Variants in MIOS observed in about 807,000 individuals in gnomAD.
MIOS encodes GATOR2 complex protein MIOS.
MIOS carries 52 observed loss-of-function variants against 96.9 expected under a neutral mutation model. The observed-to-expected ratio is 0.54, with a 90% CI of 0.43 to 0.68. The LOEUF is 0.68. Ranked by LOEUF, MIOS falls within the 30% of genes least tolerant of loss-of-function variation. MIOS has a pLI of 0.00. For missense variants in MIOS, 1,005 were observed against 1,052.8 expected (o/e 0.95, Z 0.63); for synonymous variants, 397 against 359.5 (o/e 1.10, Z -1.18).
At position 7,589,512 on chromosome 7, in the gene MIOS, T is replaced by C; in HGVS notation, c.1992T>C (p.Ser664=). Residue 664 remains serine (S), a synonymous_variant, in exon 9 of 13, where the codon AGT becomes AGC. Coordinates refer to ENST00000340080, the MANE Select transcript of MIOS (RefSeq NM_019005.4). ...AAGATGGAGTGGACTTAATGGAGAG[T>C]TATGTTGATAGAACTGGAGATGTTC... is the stretch of plus-strand genomic sequence containing the variant. ...LTKDGVDLME[S]YVDRTGDVQT... 6.2e-7 allele frequency: 1 copy of C among 1,613,220 alleles called. No homozygotes were observed. The highest frequency in any genetic ancestry group is 8.5e-7 in the Non-Finnish European group (1 of 1,179,482).
chr7:7,601,593 CAAA>C (rs796103166), intron 11 of MIOS, among the ~76,000 whole-genome samples: 16 of 151,960 alleles, frequency 1.1e-4, no homozygotes, highest in Non-Finnish European at 2.2e-4. Flanking sequence ...GCTTACCAAC[CAAA>C]AAAAGTCCAG....
intron 5 of MIOS, 150 bp from the exon 6 acceptor site, chr7:7,582,968 A>G: frequency 2.3e-6 from 2 of 884,262 alleles, no homozygotes; most frequent in Non-Finnish European, 3.3e-6. Context: ...AATATGTTGT[A>G]TTTGTGGCAT....
intron 9 of MIOS, 97 bp from the exon 10 acceptor site, chr7:7,594,883 A>G (rs1029981155): frequency 1.2e-5 from 8 of 664,252 alleles, no homozygotes; most frequent in Non-Finnish European, 1.7e-5. Flanking sequence ...AAAAAGGCCT[A>G]TTTCTTCTGT....
intron 7 of MIOS, among the ~76,000 whole-genome samples, chr7:7,587,746 A>G (rs1783934672): frequency 6.6e-6 from 1 of 152,210 alleles, no homozygotes; most frequent in Non-Finnish European, 1.5e-5. Flanking sequence ...AGATATAGGT[A>G]TCAACTGAAG....
In MIOS at chr7:7,574,084, A is replaced by G; in HGVS notation, c.1295-14A>G. 1 of 1,534,364 alleles carries G rather than the reference A, an allele frequency of 6.5e-7. No individual in the cohort carries two copies. The highest frequency in any genetic ancestry group is 8.9e-7 in the Non-Finnish European group (1 of 1,119,850). Reference sequence around the variant, plus strand: ...TTGTCATGCATCACTAGTATTTCCTATGCATTTAAATACTTATGAAGCAAT... The same window carrying G: ...TTGTCATGCATCACTAGTATTTCCTGTGCATTTAAATACTTATGAAGCAAT... On this transcript the variant is annotated splice_polypyrimidine_tract_variant and intron_variant, in intron 4 of 12. Transcript: ENST00000340080.
At chr7:7,600,098 A>G (rs2115486213) in intron 11 of MIOS, among the ~76,000 whole-genome samples, 1 of 152,234 alleles carries the variant, frequency 6.6e-6, no homozygotes, top group South Asian at 2.1e-4. Flanking sequence ...AATAATCCGT[A>G]CACCAAAACC....
chr7:7,573,494 T>G lies in MIOS; in HGVS notation c.1019T>G (p.Val340Gly). 6.2e-7 allele frequency: 1 copy of G among 1,614,134 alleles called. No homozygotes were observed. Among genetic ancestry groups the G allele is most frequent in the Non-Finnish European group, 8.5e-7 (1 of 1,179,972 alleles). Residue 340 changes from valine to glycine, a missense_variant, in exon 4 of 13, where the codon GTT becomes GGT. Physicochemically the swap from Val to Gly is moderately radical, Grantham distance 109. Transcript: ENST00000340080. This position sits in a 1 kb window ranked among gnomAD's most constrained non-coding sequence, Gnocchi z 5.0. Reference protein sequence around the residue: ...WHPTSQNRMIVVTPNRTMSDF... With the variant: ...WHPTSQNRMIGVTPNRTMSDF... Reference sequence around the variant, plus strand: ...CCAACAAGTCAAAATCGAATGATAGTTGTAACTCCCAACCGAACAATGTCA... The same window carrying G: ...CCAACAAGTCAAAATCGAATGATAGGTGTAACTCCCAACCGAACAATGTCA...
intron 9 of MIOS, among the ~76,000 whole-genome samples, chr7:7,592,074 A>G (rs1784065801): frequency 6.6e-6 from 1 of 151,866 alleles, no homozygotes; most frequent in Non-Finnish European, 1.5e-5. Flanking sequence ...TCCACCTCCC[A>G]GGTTCAAGCA....
intron 3 of MIOS, among the ~76,000 whole-genome samples, chr7:7,568,635 A>C (rs11980579): frequency 0.1 from 15,290 of 152,266 alleles, 841 homozygotes; most frequent in Middle Eastern, 0.23. Flanking sequence ...CTGTCTGGAC[A>C]TTGTAAATAA....
At chr7:7,577,458 C>T (rs1668763260) in intron 5 of MIOS, among the ~76,000 whole-genome samples, 1 of 152,086 alleles carries the variant, frequency 6.6e-6, no homozygotes, top group African/African-American at 2.4e-5. Context: ...AAAAGATACG[C>T]AGTAGGAGGA....
chr7:7,568,826 A>G (rs568093968), intron 3 of MIOS, among the ~76,000 whole-genome samples: 3 of 152,308 alleles, frequency 2.0e-5, no homozygotes, highest in African/African-American at 7.2e-5. Context: ...TTTTCTCTCA[A>G]GTTTTGATTC....
At chr7:7,605,820 A>G in intron 11 of MIOS, 122 bp from the exon 12 acceptor site, 1 of 991,146 alleles carries the variant, frequency 1.0e-6, no homozygotes, top group Non-Finnish European at 1.4e-6. Context: ...TACCATCAAA[A>G]TTGCTATTTC....
Position 7,572,076 on chromosome 7 carries a change from T to A in MIOS, c.-40-360T>A, listed in dbSNP as rs1295355657. ...TTGCTTAGGAATATGATTCATAAGT[T>A]TTCCCCCCTTCAAAGGGATAATACT... On this transcript the variant is annotated intron_variant, in intron 3 of 12. Coordinates refer to ENST00000340080, the MANE Select transcript of MIOS (RefSeq NM_019005.4). The surrounding 1 kb of genome is among the most constrained non-coding windows in gnomAD (Gnocchi z 4.8). Among the ~76,000 whole-genome samples, 1 of 152,222 alleles carries A rather than the reference T, an allele frequency of 6.6e-6. No homozygotes were observed. Among genetic ancestry groups the A allele is most frequent in the East Asian group, 1.9e-4 (1 of 5,190 alleles).
At chr7:7,580,571 T>G (rs1280561249) in intron 5 of MIOS, among the ~76,000 whole-genome samples, 1 of 152,178 alleles carries the variant, frequency 6.6e-6, no homozygotes, top group South Asian at 2.1e-4. Context: ...ATTTAAAATA[T>G]GTACTAACAT....
chr7:7,571,281 A>C (rs1160010429), intron 3 of MIOS, among the ~76,000 whole-genome samples: 2 of 152,208 alleles, frequency 1.3e-5, no homozygotes, highest in Non-Finnish European at 2.9e-5. Context: ...AGCTATATTT[A>C]GTTCGTGTGC....
intron 6 of MIOS, among the ~76,000 whole-genome samples, chr7:7,584,897 A>G (rs939496721): frequency 1.1e-4 from 16 of 152,162 alleles, no homozygotes; most frequent in Non-Finnish European, 1.3e-4. Flanking sequence ...TTAAAAGACT[A>G]TTGGTAACAA....
chr7:7,597,021 C>T (rs1223402887), intron 11 of MIOS, among the ~76,000 whole-genome samples: 1 of 151,890 alleles, frequency 6.6e-6, no homozygotes, highest in Non-Finnish European at 1.5e-5. Flanking sequence ...ATAGTGAGAC[C>T]CCATCTCTAT....
chr7:7,579,912 A>T (rs148804441), intron 5 of MIOS, among the ~76,000 whole-genome samples: 2 of 152,256 alleles, frequency 1.3e-5, no homozygotes, highest in Non-Finnish European at 2.9e-5. Context: ...CTGTTAATCA[A>T]CTCATGACTG....
intron 8 of MIOS, among the ~76,000 whole-genome samples, chr7:7,588,839 G>C (rs1384165503): frequency 6.6e-6 from 1 of 152,132 alleles, no homozygotes; most frequent in African/African-American, 2.4e-5. Flanking sequence ...GTGATGCTAT[G>C]AAAGGGTTCC....
Sources: gnomAD v4.1 joint callset for allele counts (sites outside exome capture counted in the v4.1 genomes callset) on GRCh38, gnomAD v4.1.1 for gene constraint, Gnocchi (gnomAD v3.1) non-coding constraint, MANE v1.5 for transcripts, NCBI Gene and HGNC (gene_info 2026-07-23, HGNC 2026-07-21) for gene names.